MIB2: variants seen among roughly 807,000 people sequenced by gnomAD.
The protein encoded by MIB2 is MIB E3 ubiquitin protein ligase 2.
MIB2 carries 78 observed loss-of-function variants against 96.6 expected under a neutral mutation model. The ratio of observed to expected loss-of-function variants is 0.81; its 90% CI spans 0.67 to 0.97. The LOEUF (loss-of-function observed/expected upper bound fraction) is 0.97, where lower values mean the gene tolerates loss of function less well. MIB2 is among the 50% of genes least tolerant of loss of function. MIB2 has a pLI of 0.00. For synonymous variants in MIB2, 820 were observed against 629.5 expected, an observed-to-expected ratio of 1.30 and a Z score of -4.53; for missense variants, 1,543 against 1,424.0, an observed-to-expected ratio of 1.08 and a Z score of -1.35.
intron 2 of MIB2, among the ~76,000 whole-genome samples, chr1:1,620,471 G>A (rs1644157999): frequency 6.6e-6 from 1 of 152,204 alleles, no homozygotes. Flanking sequence ...CCCCGGCTTA[G>A]TGTGATTCCA....
At chr1:1,617,964 G>A (rs1333398216) in intron 2 of MIB2, 1 of 152,300 alleles carries the variant, frequency 6.6e-6, no homozygotes, top group Non-Finnish European at 1.5e-5. Flanking sequence ...GCAGCATCCT[G>A]AAGCGGAAGC....
At chr1:1,624,939 G>C in intron 5 of MIB2, 38 bp downstream of exon 5, 1 of 1,607,624 alleles carries the variant, frequency 6.2e-7, no homozygotes, top group Non-Finnish European at 8.5e-7. Context: ...GGGCTGGGCT[G>C]TGGCTGGCTC....
chr1:1,629,647 C>T lies in MIB2; in HGVS notation c.2572C>T (p.Arg858Cys), dbSNP rs1273406415. The change falls in exon 19 of 20, where the codon CGC (arginine) becomes TGC (cysteine). Residue 858 changes from arginine to cysteine, a missense_variant. Transcript: ENST00000355826. The stretch of plus-strand genomic sequence containing the variant: ...CGCTCTCCTCTTCGCAGAGTGCGCG[C>T]GCAGGATGAAGAAGTGCATCAGGTG... ...QHRTVCEECA[R>C]RMKKCIRCQV... 1.3e-6 allele frequency: 2 copies of T among 1,596,432 alleles called. No individual in the cohort carries two copies.
chr1:1,628,180 G>T lies in MIB2; in HGVS notation c.1841+1G>T. On this transcript the variant is annotated splice_donor_variant, in intron 14 of 19. Coordinates refer to ENST00000355826, the MANE Select transcript of MIB2 (RefSeq NM_001170687.4). LOFTEE classifies it high-confidence loss of function. ...ATGCCTCCCTCAAGGGTCACGCGCT[G>T]TGAGTGTGGGGTGGGCACACAGCTG... 6.2e-7 allele frequency: 1 copy of T among 1,613,148 alleles called. No individual in the cohort carries two copies.
intron 2 of MIB2, among the ~76,000 whole-genome samples, chr1:1,621,267 G>A (rs145344387): frequency 7.9e-5 from 12 of 152,320 alleles, no homozygotes; most frequent in Admixed American, 2.0e-4. Flanking sequence ...TCCTGGCTCC[G>A]CGGGGCCTCC....
chr1:1,626,739 GGAC>G lies in MIB2; in HGVS notation c.1066_1068del (p.Asp356del). On this transcript the variant is annotated inframe_deletion, in exon 9 of 20. Transcript: ENST00000355826. This position sits in a 1 kb window ranked among gnomAD's most constrained non-coding sequence, Gnocchi z 5.3. ...TGCAGGCTGGGCATGGCGAGTGGAC[GGAC>G]GACATGGCCCCTGTGAGTCCCCCTG... 1 of 1,594,800 alleles carries G rather than the reference GGAC, an allele frequency of 6.3e-7. No individual in the cohort carries two copies. Among genetic ancestry groups the G allele is most frequent in the Non-Finnish European group, 8.5e-7 (1 of 1,172,062 alleles).
rs1253437655 is a variant in MIB2, at chr1:1,625,402, G to A, written c.838G>A (p.Gly280Ser). 8.9e-6 allele frequency: 14 copies of A among 1,578,208 alleles called. No homozygotes were observed. In the African/African-American group the frequency reaches 1.1e-4, roughly 12 times the overall value. Reference sequence around the variant, plus strand: ...CCTGCGGGAGATGCAGGAAGGCCACGGCGGCTGGAACCCCAGGATGGCGGA... The same window carrying A: ...CCTGCGGGAGATGCAGGAAGGCCACAGCGGCTGGAACCCCAGGATGGCGGA... ...DVLREMQEGH[G>S]GWNPRMAEFI... The change falls in exon 7 of 20, where the codon GGC (glycine) becomes AGC (serine). Residue 280 changes from glycine (G) to serine (S), a missense_variant. Physicochemically the swap from Gly to Ser is moderately conservative, Grantham distance 56. Coordinates refer to ENST00000355826, the MANE Select transcript of MIB2 (RefSeq NM_001170687.4). The surrounding 1 kb of genome is among the most constrained non-coding windows in gnomAD (Gnocchi z 5.0).
At chr1:1,615,252 G>C, upstream of MIB2, 1 of 1,044,232 alleles carries the variant, frequency 9.6e-7, no homozygotes, top group Non-Finnish European at 1.3e-6. Flanking sequence ...GGCGCGGCAA[G>C]TGCCGCCAGT....
At chr1:1,623,249 C>A in intron 2 of MIB2, 182 bp from the exon 3 acceptor site, 1 of 1,065,798 alleles carries the variant, frequency 9.4e-7, no homozygotes, top group Non-Finnish European at 1.3e-6. Context: ...CACCGGCCTC[C>A]CTGGTGCCAG....
intron 2 of MIB2, among the ~76,000 whole-genome samples, chr1:1,620,078 C>T (rs1644114859): frequency 1.3e-5 from 2 of 152,386 alleles, no homozygotes; most frequent in African/African-American, 4.8e-5. Flanking sequence ...TCTCTGCCCT[C>T]TGCCCATCCC....
intron 2 of MIB2, among the ~76,000 whole-genome samples, chr1:1,622,672 C>T (rs1644365239): frequency 6.6e-6 from 1 of 152,260 alleles, no homozygotes; most frequent in African/African-American, 2.4e-5. Context: ...CCCGTGGCCA[C>T]TGAGGACCCA....
At position 1,625,991 on chromosome 1, in the gene MIB2, C is replaced by T. The variant is rs546658484; in HGVS notation, c.972+338C>T. The T allele has an allele frequency of 1.5e-5, 4 of 270,048 alleles. No individual in the cohort carries two copies. The highest frequency in any genetic ancestry group is 7.3e-5 in the South Asian group (1 of 13,772). 16.7% of individuals were successfully genotyped at this position (270,048 alleles called of 1,614,324 possible). A position where few individuals can be genotyped will look rare whatever the true frequency, so the allele number is the denominator to read the frequency against. ...CTCCTGGTTAGTGCTGTATGGGGGC[C>T]GATGGGGGTGGCTGGTTAGGACAGG... On this transcript the variant is annotated intron_variant, in intron 8 of 19. Coordinates refer to ENST00000355826, the MANE Select transcript of MIB2 (RefSeq NM_001170687.4). The surrounding 1 kb of genome is among the most constrained non-coding windows in gnomAD (Gnocchi z 5.0).
rs773470445 is a variant in MIB2 at position 1,624,972 on chromosome 1, G to C, written c.527-19G>C. The C allele has an allele frequency of 5.0e-6, 8 of 1,608,590 alleles. No individual in the cohort carries two copies. The South Asian group carries it at 6.6e-5, about 13-fold the overall frequency. On this transcript the variant is annotated intron_variant, in intron 5 of 19. Transcript: ENST00000355826. ...CTCATGGCTCAGCCTTAGCCTGCTG[G>C]GGGGGCCTCTTTCCCCAGGAGGGGA...
rs887393297 is a variant in MIB2, at chr1:1,616,368, C to G, written c.-129-140C>G. On this transcript the variant is annotated intron_variant, in intron 1 of 19. Transcript: ENST00000355826. ...GCGCTCAGACCCCAGGGAGCCCATC[C>G]GGGCAGGCGGCGGCCCTGAGTGTCG... The G allele has an allele frequency of 1.1e-5, 7 of 638,450 alleles. No homozygotes were observed. In the Admixed American group the frequency reaches 1.7e-4, roughly 16 times the overall value. 39.5% of individuals were successfully genotyped at this position (638,450 alleles called of 1,614,324 possible).
chr1:1,615,763 G>A (rs1207797416), intron 1 of MIB2, 130 bp downstream of exon 1: 3 of 1,430,784 alleles, frequency 2.1e-6, no homozygotes, highest in Non-Finnish European at 2.7e-6. Context: ...TGGACTCGGC[G>A]TAGGGTCCGC....
Position 1,629,550 on chromosome 1 carries a change from C to G in MIB2, c.2547C>G (p.His849Gln). ...ALLVLFSPCQ[H>Q]RTVCEECARR... The stretch of plus-strand genomic sequence containing the variant: ...TGGTGCTGTTCTCGCCGTGCCAGCA[C>G]CGCACCGTGTGTGAGGGTGAGTGGG... The change falls in exon 18 of 20, where the codon CAC becomes CAG. Residue 849 changes from histidine to glutamine, a missense_variant. Transcript: ENST00000355826. The G allele has an allele frequency of 6.4e-7, 1 of 1,554,016 alleles. No homozygotes were observed. The highest frequency in any genetic ancestry group is 8.7e-7 in the Non-Finnish European group (1 of 1,153,236).
At chr1:1,615,268 C>A, upstream of MIB2, 5 of 1,197,010 alleles carry the variant, frequency 4.2e-6, no homozygotes, top group African/African-American at 1.6e-5. Flanking sequence ...CCAGTGCCAG[C>A]GAGCGCGACG....
At position 1,630,534 on chromosome 1, in the gene MIB2, G is replaced by A; in HGVS notation, c.*4G>A. The stretch of plus-strand genomic sequence containing the variant: ...CCGCATCCAGATCTTCGTGTGAGCC[G>A]CGCCGTCCGCCGCGCCCGAGCTGCC... On this transcript the variant is annotated 3_prime_UTR_variant, in exon 20 of 20. Coordinates refer to ENST00000355826, the MANE Select transcript of MIB2 (RefSeq NM_001170687.4). 1 of 1,558,348 alleles carries A rather than the reference G, an allele frequency of 6.4e-7. No homozygotes were observed. The highest frequency in any genetic ancestry group is 8.6e-7 in the Non-Finnish European group (1 of 1,161,120).
rs1210343520 is a variant in MIB2, at chr1:1,630,401, C to T, written c.2739C>T (p.Ile913=). 8 of 1,572,928 alleles carry T rather than the reference C, an allele frequency of 5.1e-6. No homozygotes were observed. The highest frequency in any genetic ancestry group is 6.9e-6 in the Non-Finnish European group (8 of 1,161,046). Residue 913 remains isoleucine, a synonymous_variant, in exon 20 of 20, where the codon ATC becomes ATT. Coordinates refer to ENST00000355826, the MANE Select transcript of MIB2 (RefSeq NM_001170687.4). ...RQMEERITCP[I]CIDSHIRLVF... is the part of the protein sequence containing the mutation. ...TGGAGGAACGCATCACCTGCCCCATCTGCATCGACAGCCACATCCGCCTCG... is the reference window on the plus strand; with the variant it reads ...TGGAGGAACGCATCACCTGCCCCATTTGCATCGACAGCCACATCCGCCTCG...
Sources: allele counts gnomAD v4.1 joint callset (sites outside exome capture counted in the v4.1 genomes callset), GRCh38; gene constraint gnomAD v4.1.1; non-coding constraint Gnocchi (gnomAD v3.1); transcripts MANE v1.5; gene names NCBI Gene and HGNC (gene_info 2026-07-23, HGNC 2026-07-21).